Variants in ART3 observed in about 807,000 individuals in gnomAD.
ART3 encodes the protein ADP-ribosyltransferase 3 (inactive), also known as ecto-ADP-ribosyltransferase 3.
ART3 carries 49 observed loss-of-function variants against 48.5 expected under a neutral mutation model. That is an observed-to-expected ratio of 1.01 (90% CI 0.80 to 1.28). ART3 has a LOEUF of 1.28. ART3 is among the 50% of genes most tolerant of loss of function. ART3 has a pLI of 0.00. For missense variants in ART3, 438 were observed against 454.3 expected, an observed-to-expected ratio of 0.96 and a Z score of 0.33; for synonymous variants, 145 against 157.2, an observed-to-expected ratio of 0.92 and a Z score of 0.58.
chr4:76,079,406 T>C (rs1721936284), intron 2 of ART3, among the ~76,000 whole-genome samples: 1 of 152,214 alleles, frequency 6.6e-6, no homozygotes, highest in Admixed American at 6.5e-5. Flanking sequence ...AAGTTTCGTC[T>C]TAGACATGTT....
intron 1 of ART3, among the ~76,000 whole-genome samples, chr4:76,042,386 A>G (rs1230514711): frequency 1.3e-5 from 2 of 152,240 alleles, no homozygotes; most frequent in East Asian, 3.8e-4. Context: ...TTTATTATAA[A>G]TAAGTATGAC....
chr4:76,027,877 AG>A (rs1246639193), intron 1 of ART3, among the ~76,000 whole-genome samples: 1 of 151,272 alleles, frequency 6.6e-6, no homozygotes, highest in Non-Finnish European at 1.5e-5. Flanking sequence ...CTAATCATCC[AG>A]GGTAAGCATA....
chr4:76,022,045 C>T lies in ART3; in HGVS notation c.-10+10725C>T, dbSNP rs1052852977. 2.7e-6 allele frequency: 3 copies of T among 1,129,382 alleles called. No homozygotes were observed. The African/African-American group carries it at 4.7e-5, about 18-fold the overall frequency. 70.0% of individuals were successfully genotyped at this position (1,129,382 alleles called of 1,614,324 possible). A position where few individuals can be genotyped will look rare whatever the true frequency, so the allele number is the denominator to read the frequency against. The stretch of plus-strand genomic sequence containing the variant: ...AGTACCGAGTTCATAGAATAGATAA[C>T]TGAGCTTTCCTGCTGCTATGCATTC... On this transcript the variant is annotated intron_variant, in intron 1 of 9. Transcript: ENST00000341029.
chr4:76,091,547 C>A (rs923351936), intron 3 of ART3, among the ~76,000 whole-genome samples: 1 of 152,104 alleles, frequency 6.6e-6, no homozygotes, highest in Admixed American at 6.6e-5. Flanking sequence ...TACTGAAACA[C>A]CTGCTCAAAG....
At chr4:76,028,849 A>G (rs1197899914) in intron 1 of ART3, among the ~76,000 whole-genome samples, 2 of 152,224 alleles carry the variant, frequency 1.3e-5, no homozygotes, top group Non-Finnish European at 2.9e-5. Context: ...TGGAGGAGGC[A>G]GAGGCTCAGA....
chr4:76,060,290 A>G (rs947660167), intron 1 of ART3, among the ~76,000 whole-genome samples: 2 of 152,124 alleles, frequency 1.3e-5, no homozygotes, highest in South Asian at 2.1e-4. Flanking sequence ...TCATAAGTAC[A>G]TTGGTAATAT....
intron 2 of ART3, among the ~76,000 whole-genome samples, chr4:76,080,597 G>A (rs993918000): frequency 6.6e-5 from 10 of 151,988 alleles, no homozygotes; most frequent in East Asian, 3.8e-4. Flanking sequence ...TGCAACCTCC[G>A]CCTTCTGGTT....
At chr4:76,044,286 C>T (rs987674149) in intron 1 of ART3, among the ~76,000 whole-genome samples, 2 of 151,998 alleles carry the variant, frequency 1.3e-5, no homozygotes, top group African/African-American at 2.4e-5. Context: ...CTCATACTAT[C>T]CCCGACTGGT....
In ART3 at chr4:76,082,547, C is replaced by T. The variant is rs1420463334; in HGVS notation, c.781+12C>T. ...TGCATTTCTAGGTGGTAAGTGTCTG[C>T]TCTGTCTGTGCTTGGCTGGGAGGGA... On this transcript the variant is annotated intron_variant, in intron 3 of 11. Transcript: ENST00000355810. 1.9e-6 allele frequency: 3 copies of T among 1,549,494 alleles called. No homozygotes were observed. In the African/African-American group the frequency reaches 4.1e-5, roughly 21 times the overall value.
intron 1 of ART3, among the ~76,000 whole-genome samples, chr4:76,069,386 C>CTTTTTTTTT (rs34858048): frequency 1.8e-5 from 2 of 110,162 alleles, no homozygotes; most frequent in Non-Finnish European, 3.6e-5. Context: ...TACTTAATTC[C>CTTTTTTTTT]TTTTTTTTTT....
At chr4:76,098,370 G>A (rs1726491493) in intron 4 of ART3, among the ~76,000 whole-genome samples, 1 of 152,138 alleles carries the variant, frequency 6.6e-6, no homozygotes, top group African/African-American at 2.4e-5. Context: ...GGATCCTTTT[G>A]AAGATTTCCT....
intron 3 of ART3, among the ~76,000 whole-genome samples, chr4:76,084,027 C>T (rs1723035544): frequency 6.6e-6 from 1 of 152,044 alleles, no homozygotes; most frequent in Non-Finnish European, 1.5e-5. Flanking sequence ...CCTCTTTTAC[C>T]CCAGGGTTAT....
intron 1 of ART3, among the ~76,000 whole-genome samples, chr4:76,051,461 G>T (rs922763310): frequency 6.6e-5 from 10 of 152,192 alleles, no homozygotes; most frequent in African/African-American, 2.2e-4. Context: ...GGAGTAAATT[G>T]TATAAATAAC....
rs929943339 is a variant in ART3, at chr4:76,059,674, T to C, written c.-9-16207T>C. 3.9e-5 allele frequency among the ~76,000 whole-genome samples: 6 copies of C among 152,276 alleles called. 1 individual carries two copies. The South Asian group carries it at 1.0e-3, about 26-fold the overall frequency. On this transcript the variant is annotated intron_variant, in intron 1 of 9. Coordinates refer to the ART3 transcript ENST00000341029. ...CATTACATATTCAGGCAATCCCAATTTGTATGGACAACTAAATTAAAGTAA... is the reference window on the plus strand; with the variant it reads ...CATTACATATTCAGGCAATCCCAATCTGTATGGACAACTAAATTAAAGTAA...
chr4:76,030,324 G>A (rs2149393888), intron 1 of ART3, among the ~76,000 whole-genome samples: 1 of 152,270 alleles, frequency 6.6e-6, no homozygotes, highest in South Asian at 2.1e-4. Context: ...CCAAAGTGCT[G>A]GGATTACAGG....
At chr4:76,023,216 A>T (rs527426349) in intron 1 of ART3, among the ~76,000 whole-genome samples, 35 of 152,072 alleles carry the variant, frequency 2.3e-4, no homozygotes, top group African/African-American at 8.2e-4. Flanking sequence ...TTCAATTCAT[A>T]TAAGTTTTAT....
intron 1 of ART3, among the ~76,000 whole-genome samples, chr4:76,052,715 C>T (rs56029361): frequency 0.49 from 56,521 of 115,820 alleles, 12,665 homozygotes; most frequent in East Asian, 0.89. Context: ...TTCTTTTTTC[C>T]TTCTTTTTTT....
chr4:76,023,553 A>C, intron 1 of ART3: 1 of 856,826 alleles, frequency 1.2e-6, no homozygotes. Context: ...TCCCTCCCTA[A>C]TTCTGATTGG....
intron 3 of ART3, among the ~76,000 whole-genome samples, chr4:76,085,366 G>C (rs1168384313): frequency 6.6e-6 from 1 of 152,166 alleles, no homozygotes; most frequent in Non-Finnish European, 1.5e-5. Flanking sequence ...GTCTGGGTAG[G>C]GACAGATCCA....
Sources: allele counts gnomAD v4.1 joint callset (sites outside exome capture counted in the v4.1 genomes callset), GRCh38; gene constraint gnomAD v4.1.1; transcripts MANE v1.5; gene names NCBI Gene and HGNC (gene_info 2026-07-23, HGNC 2026-07-21).